Variants in C5 observed in about 807,000 individuals in gnomAD.
The protein encoded by C5 is complement C5.
A neutral mutation model predicts 218.8 loss-of-function variants in C5; 140 were observed. That is an observed-to-expected ratio of 0.64 (90% CI 0.56 to 0.74). The LOEUF (loss-of-function observed/expected upper bound fraction) is 0.74. Ranked by LOEUF, C5 falls within the 30% of genes least tolerant of loss-of-function variation. The pLI, the probability that C5 is intolerant of heterozygous loss-of-function variation, is 0.00. For missense variants in C5, 1,700 were observed against 1,969.6 expected (o/e 0.86, Z 2.59); for synonymous variants, 614 against 682.3 (o/e 0.90, Z 1.56).
chr9:121,047,504 G>GA (rs1054622555), intron 1 of C5, among the ~76,000 whole-genome samples: 21 of 151,930 alleles, frequency 1.4e-4, no homozygotes, highest in Admixed American at 1.2e-3. Context: ...TATTACATAG[G>GA]AAAAAAAAGT....
rs2047220401 is a variant in C5, at chr9:121,006,900, T to C, written c.2422+4A>G. 6.3e-7 allele frequency: 1 copy of C among 1,585,736 alleles called. No homozygotes were observed. The highest frequency in any genetic ancestry group is 8.7e-7 in the Non-Finnish European group (1 of 1,154,100). Reference sequence around the variant, plus strand: ...AAATGCATATATCACTTAAACCTGCTTACCAGTGTTTGAAATGCCAACGCC... The same window carrying C: ...AAATGCATATATCACTTAAACCTGCCTACCAGTGTTTGAAATGCCAACGCC... On this transcript the variant is annotated splice_donor_region_variant and intron_variant, in intron 19 of 40. Transcript: ENST00000223642.
chr9:120,989,899 C>T, intron 23 of C5, 119 bp from the exon 24 acceptor site: 3 of 770,328 alleles, frequency 3.9e-6, no homozygotes, highest in South Asian at 1.6e-5. Context: ...AGGCAGTTGA[C>T]TTGCTTCTCA....
Position 121,015,253 on chromosome 9 carries a change from A to G in C5, c.2005T>C (p.Cys669Arg). ...CTTCTTGGCCTGAGAATTTCTTTAC[A>G]AGGTTCATCTGGTTTTTTTAAAAAA... ...ADDSQENDEP[C>R]KEILRPRRTL... Residue 669 changes from cysteine to arginine, a missense_variant, in exon 16 of 41, where the codon TGT (cysteine) becomes CGT (arginine). Physicochemically the swap from Cys to Arg is radical, Grantham distance 180. Transcript: ENST00000223642. The G allele has an allele frequency of 6.2e-7, 1 of 1,602,318 alleles. No individual in the cohort carries two copies. Among genetic ancestry groups the G allele is most frequent in the Non-Finnish European group, 8.5e-7 (1 of 1,171,130 alleles).
At chr9:120,988,272 C>A (rs545981383) in intron 25 of C5, among the ~76,000 whole-genome samples, 1 of 152,252 alleles carries the variant, frequency 6.6e-6, no homozygotes, top group South Asian at 2.1e-4. Flanking sequence ...AGCTTATATT[C>A]CAGTGGGGGA....
intron 2 of C5, among the ~76,000 whole-genome samples, chr9:121,044,424 C>T (rs187214125): frequency 1.3e-5 from 2 of 152,044 alleles, no homozygotes; most frequent in East Asian, 1.9e-4. Flanking sequence ...TGCAGTGAGC[C>T]GATATTACAC....
chr9:120,969,156 A>G (rs768268289), intron 32 of C5, 38 bp from the exon 33 acceptor site: 1 of 1,563,160 alleles, frequency 6.4e-7, no homozygotes. Flanking sequence ...GACAAATATA[A>G]GAGTAAACTG....
chr9:120,976,918 A>G lies in C5; in HGVS notation c.3659-13T>C. 6.2e-7 allele frequency: 1 copy of G among 1,600,940 alleles called. No homozygotes were observed. The highest frequency in any genetic ancestry group is 1.3e-5 in the African/African-American group (1 of 74,818). ...ATGGGTGGATTACCTGAACATCAAC[A>G]AATTCCATTCATTAATATGATTAAA... On this transcript the variant is annotated splice_polypyrimidine_tract_variant and intron_variant, in intron 28 of 40. Transcript: ENST00000223642.
Position 120,974,770 on chromosome 9 carries a change from T to C in C5, c.4017+9A>G, listed in dbSNP as rs2046940359. 6.2e-7 allele frequency: 1 copy of C among 1,611,188 alleles called. No homozygotes were observed. The highest frequency in any genetic ancestry group is 8.5e-7 in the Non-Finnish European group (1 of 1,177,374). On this transcript the variant is annotated intron_variant, in intron 30 of 40. Coordinates refer to ENST00000223642, the MANE Select transcript of C5 (RefSeq NM_001735.3). ...AATTGTAAAATACTACAGAAAGTTCTTCATTTACCTCTACTGGCCTCCCAA... is the reference window on the plus strand; with the variant it reads ...AATTGTAAAATACTACAGAAAGTTCCTCATTTACCTCTACTGGCCTCCCAA...
At chr9:121,043,748 AT>A (rs2047601624) in intron 2 of C5, among the ~76,000 whole-genome samples, 1 of 128,534 alleles carries the variant, frequency 7.8e-6, no homozygotes, top group Non-Finnish European at 1.6e-5. Flanking sequence ...GGGTTTCACC[AT>A]GTTGGCCAGG....
the C5 span, among the ~76,000 whole-genome samples, chr9:121,062,571 T>C: frequency 0.75 from 114,114 of 152,048 alleles, 43,214 homozygotes; most frequent in East Asian, 0.96. Context: ...CAAGGCAAGG[T>C]ATTGGCAGAG....
intron 3 of C5, among the ~76,000 whole-genome samples, chr9:121,042,060 G>T (rs907898722): frequency 3.9e-5 from 6 of 152,104 alleles, no homozygotes; most frequent in Admixed American, 1.3e-4. Flanking sequence ...AAAGTCAGAT[G>T]GTCCCCACTT....
chr9:120,962,749 G>T lies in C5; in HGVS notation c.4426C>A (p.Arg1476=). Residue 1476 remains arginine (R), a synonymous_variant, in exon 36 of 41, where the codon CGA becomes AGA. Coordinates refer to ENST00000223642, the MANE Select transcript of C5 (RefSeq NM_001735.3). ...TCAAAGAGTTCAAATATCCGGAATCGTACACAAAGGAAATCACTGGAGGGA... is the reference window on the plus strand; with the variant it reads ...TCAAAGAGTTCAAATATCCGGAATCTTACACAAAGGAAATCACTGGAGGGA... ...SIPSSDFLCV[R]FRIFELFEVG... is the part of the protein sequence containing the mutation. 1 of 1,613,950 alleles carries T rather than the reference G, an allele frequency of 6.2e-7. No individual in the cohort carries two copies. The highest frequency in any genetic ancestry group is 8.5e-7 in the Non-Finnish European group (1 of 1,179,860).
rs142900843 is a variant in C5, at chr9:121,032,427, T to A, written c.585-232A>T. Among the ~76,000 whole-genome samples the A allele has an allele frequency of 2.9e-3, 447 of 152,342 alleles. 2 individuals carry two copies. The highest frequency in any genetic ancestry group is 0.01 in the African/African-American group (430 of 41,584). On this transcript the variant is annotated intron_variant, in intron 5 of 40. Coordinates refer to ENST00000223642, the MANE Select transcript of C5 (RefSeq NM_001735.3). ...CAGTTTTTCATATATTGTATTATTT[T>A]TCCTGGTATTTTATCTTAATACAGT...
intron 20 of C5, among the ~76,000 whole-genome samples, chr9:121,004,979 G>A (rs1348804909): frequency 1.2e-4 from 7 of 58,024 alleles, no homozygotes; most frequent in Admixed American, 8.6e-4. Flanking sequence ...GCGAGACTCC[G>A]TCTTAAAAAA....
At chr9:120,979,220 G>A (rs2046974219) in intron 28 of C5, among the ~76,000 whole-genome samples, 1 of 152,112 alleles carries the variant, frequency 6.6e-6, no homozygotes, top group Non-Finnish European at 1.5e-5. Context: ...TGCACGTGCT[G>A]TTCTCCACCA....
intron 27 of C5, among the ~76,000 whole-genome samples, chr9:120,981,347 T>C (rs1364980268): frequency 6.6e-6 from 1 of 152,262 alleles, no homozygotes; most frequent in Non-Finnish European, 1.5e-5. Context: ...TTGATTTACT[T>C]AGGTGGCTCA....
upstream of C5, among the ~76,000 whole-genome samples, chr9:121,051,537 TTAAAA>T (rs754968305): frequency 2.0e-4 from 31 of 152,296 alleles, no homozygotes; most frequent in Non-Finnish European, 3.8e-4. Flanking sequence ...GTACTCTTCT[TTAAAA>T]TAATAAAACA....
chr9:120,985,910 C>T (rs1235701684), intron 25 of C5, among the ~76,000 whole-genome samples: 2 of 152,148 alleles, frequency 1.3e-5, no homozygotes, highest in African/African-American at 4.8e-5. Context: ...AAATACTGAG[C>T]AGTTAATCTA....
the C5 span, among the ~76,000 whole-genome samples, chr9:121,061,972 A>G: frequency 6.6e-6 from 1 of 152,248 alleles, no homozygotes; most frequent in East Asian, 1.9e-4. Context: ...ATGTTATCAT[A>G]TTCAAGGTAC....
Sources: allele counts gnomAD v4.1 joint callset (sites outside exome capture counted in the v4.1 genomes callset), GRCh38; gene constraint gnomAD v4.1.1; transcripts MANE v1.5; gene names NCBI Gene and HGNC (gene_info 2026-07-23, HGNC 2026-07-21).